Variants in RFTN1 observed in about 807,000 individuals in gnomAD.
RFTN1 encodes raftlin, lipid raft linker 1.
Under a neutral mutation model 46.5 loss-of-function variants are expected in RFTN1, and 26 were observed. The observed-to-expected ratio is 0.56, with a 90% confidence interval of 0.41 to 0.78. The LOEUF is 0.78. RFTN1 is among the 30% of genes least tolerant of loss of function. The pLI is 0.00. For missense variants in RFTN1, 693 were observed against 718.7 expected, an observed-to-expected ratio of 0.96 and a Z score of 0.41; for synonymous variants, 261 against 284.2, an observed-to-expected ratio of 0.92 and a Z score of 0.82.
chr3:16,339,608 A>G (rs927084933), intron 7 of RFTN1: 2 of 152,176 alleles, frequency 1.3e-5, no homozygotes, highest in African/African-American at 4.8e-5. Context: ...GAAAAACCCA[A>G]AGTCCAGAAA....
At chr3:16,394,247 C>A (rs2074418140) in intron 4 of RFTN1, among the ~76,000 whole-genome samples, 1 of 152,018 alleles carries the variant, frequency 6.6e-6, no homozygotes, top group African/African-American at 2.4e-5. Flanking sequence ...TGTGGTGGTG[C>A]ACACCCGTAA....
In RFTN1 at chr3:16,500,427, G is replaced by A. The variant is rs2076692423; in HGVS notation, c.-8-6550C>T. Among the ~76,000 whole-genome samples, 1 of 152,164 alleles carries A rather than the reference G, an allele frequency of 6.6e-6. No homozygotes were observed. The highest frequency in any genetic ancestry group is 1.5e-5 in the Non-Finnish European group (1 of 68,044). ...AAAAACTTTCCAAGAAGTCTTCAAA[G>A]GTAGAGGAAATGGAAGAGGTCTTTC... On this transcript the variant is annotated intron_variant, in intron 1 of 9. Transcript: ENST00000334133. This position sits in a 1 kb window ranked among gnomAD's most constrained non-coding sequence, Gnocchi z 5.9.
Position 16,465,220 on chromosome 3 carries a change from TAA to T in RFTN1, c.145+28503_145+28504del, listed in dbSNP as rs371626480. On this transcript the variant is annotated intron_variant, in intron 2 of 9. Transcript: ENST00000334133. This position sits in a 1 kb window ranked among gnomAD's most constrained non-coding sequence, Gnocchi z 5.1. ...ACTATTCAAGGATGCCACTTCAAGGTAAAAAAAAAAAAAGCCTTAGTATTTCA... is the reference window on the plus strand; with the variant it reads ...ACTATTCAAGGATGCCACTTCAAGGTAAAAAAAAAAAGCCTTAGTATTTCA... Among the ~76,000 whole-genome samples, 13 of 137,562 alleles carry T rather than the reference TAA, an allele frequency of 9.5e-5. No homozygotes were observed. Among genetic ancestry groups the T allele is most frequent in the Non-Finnish European group, 1.1e-4 (7 of 63,278 alleles). 90.2% of individuals were successfully genotyped at this position (137,562 alleles called of 152,430 possible).
chr3:16,366,486 G>T (rs2073180953), intron 6 of RFTN1, among the ~76,000 whole-genome samples: 1 of 152,066 alleles, frequency 6.6e-6, no homozygotes, highest in Admixed American at 6.5e-5. Context: ...CACCTCCCTA[G>T]AGTGACCTTG....
In RFTN1 at chr3:16,426,444, AT is replaced by A. The variant is rs2075291725; in HGVS notation, c.332+7406del. 6.6e-6 allele frequency among the ~76,000 whole-genome samples: 1 copy of A among 152,092 alleles called. No homozygotes were observed. The highest frequency in any genetic ancestry group is 2.4e-5 in the African/African-American group (1 of 41,404). On this transcript the variant is annotated intron_variant, in intron 3 of 9. Coordinates refer to ENST00000334133, the MANE Select transcript of RFTN1 (RefSeq NM_015150.2). The surrounding 1 kb of genome is among the most constrained non-coding windows in gnomAD (Gnocchi z 5.9). ...TTCAGTATAATTTTGTACTTTCCCAATTTTGCCCTTTTCAAATGCCAAAGAA... is the reference window on the plus strand; with the variant it reads ...TTCAGTATAATTTTGTACTTTCCCAATTTGCCCTTTTCAAATGCCAAAGAA...
chr3:16,466,550 A>G lies in RFTN1; in HGVS notation c.145+27175T>C, dbSNP rs6767890. On this transcript the variant is annotated intron_variant, in intron 2 of 9. Transcript: ENST00000334133. This position sits in a 1 kb window ranked among gnomAD's most constrained non-coding sequence, Gnocchi z 5.6. ...GCCGTTTCAGAGAAGCAGCCATTAC[A>G]CCCCTTTCCTTCTGGGCCTGAACTC... 0.18 allele frequency among the ~76,000 whole-genome samples: 27,054 copies of G among 152,100 alleles called. 2,693 individuals are homozygous for G. The highest frequency in any genetic ancestry group is 0.26 in the East Asian group (1,340 of 5,178).
intron 9 of RFTN1, among the ~76,000 whole-genome samples, chr3:16,318,667 A>G (rs1464954272): frequency 6.6e-6 from 1 of 152,254 alleles, no homozygotes; most frequent in Non-Finnish European, 1.5e-5. Context: ...ATGTTCCATT[A>G]AAGTAGAGAA....
In RFTN1 at chr3:16,374,465, C is replaced by G. The variant is rs56036224; in HGVS notation, c.826+3253G>C. Among the ~76,000 whole-genome samples, 23,310 of 152,166 alleles carry G rather than the reference C, an allele frequency of 0.15. 2,407 individuals carry two copies. The highest frequency in any genetic ancestry group is 0.3 in the African/African-American group (12,268 of 41,458). On this transcript the variant is annotated intron_variant, in intron 5 of 9. Transcript: ENST00000334133. The surrounding 1 kb of genome is among the most constrained non-coding windows in gnomAD (Gnocchi z 5.4). The stretch of plus-strand genomic sequence containing the variant: ...GTTGGGAGGGAAGGAGCCCTCACAT[C>G]AGGAAAGCCCAACCCCCAGGTTTTG...
chr3:16,498,360 C>G lies in RFTN1; in HGVS notation c.-8-4483G>C, dbSNP rs2076656687. ...AGCCAGCTGTCTCTGTACCTCACTTCTCTTTTCTGTACACAAAACACTGCC... is the reference window on the plus strand; with the variant it reads ...AGCCAGCTGTCTCTGTACCTCACTTGTCTTTTCTGTACACAAAACACTGCC... On this transcript the variant is annotated intron_variant, in intron 1 of 9. Transcript: ENST00000334133. This position sits in a 1 kb window ranked among gnomAD's most constrained non-coding sequence, Gnocchi z 5.2. Among the ~76,000 whole-genome samples, 1 of 152,190 alleles carries G rather than the reference C, an allele frequency of 6.6e-6. No homozygotes were observed. Among genetic ancestry groups the G allele is most frequent in the Admixed American group, 6.5e-5 (1 of 15,272 alleles).
At chr3:16,511,864 C>T (rs1454427596) in intron 1 of RFTN1, among the ~76,000 whole-genome samples, 1 of 152,080 alleles carries the variant, frequency 6.6e-6, no homozygotes, top group African/African-American at 2.4e-5. Context: ...AACTGCACAA[C>T]ACTCCACTTC....
rs750452152 is a variant in RFTN1 at position 16,327,209 on chromosome 3, G to A, written c.1147-333C>T. Among the ~76,000 whole-genome samples the A allele has an allele frequency of 4.6e-5, 7 of 152,166 alleles. No homozygotes were observed. Among genetic ancestry groups the A allele is most frequent in the Non-Finnish European group, 8.8e-5 (6 of 68,032 alleles). On this transcript the variant is annotated intron_variant, in intron 7 of 9. Transcript: ENST00000334133. The surrounding 1 kb of genome is among the most constrained non-coding windows in gnomAD (Gnocchi z 4.2). The stretch of plus-strand genomic sequence containing the variant: ...AAGCATAACTGTCTCACCTCTGAGC[G>A]GTATCCAGGGCATATAACTACACGT...
rs2074623762 is a variant in RFTN1, at chr3:16,402,224, G to A, written c.441+7151C>T. Among the ~76,000 whole-genome samples, 1 of 152,148 alleles carries A rather than the reference G, an allele frequency of 6.6e-6. No homozygotes were observed. Among genetic ancestry groups the A allele is most frequent in the African/African-American group, 2.4e-5 (1 of 41,432 alleles). Reference sequence around the variant, plus strand: ...CTCTCTCTCCTTCAATGACACGAAGGTTTAGTGAGTATTCCTCTTTCTCTT... The same window carrying A: ...CTCTCTCTCCTTCAATGACACGAAGATTTAGTGAGTATTCCTCTTTCTCTT... On this transcript the variant is annotated intron_variant, in intron 4 of 9. Transcript: ENST00000334133. The surrounding 1 kb of genome is among the most constrained non-coding windows in gnomAD (Gnocchi z 4.5).
In RFTN1 at chr3:16,316,180, A is replaced by G. The variant is rs1233134377; in HGVS notation, c.*648T>C. ...TTTGGCATTAATACTAACACAGAATACTTCCTTGAACATTCTGCAAAAGTA... is the reference window on the plus strand; with the variant it reads ...TTTGGCATTAATACTAACACAGAATGCTTCCTTGAACATTCTGCAAAAGTA... On this transcript the variant is annotated 3_prime_UTR_variant, in exon 10 of 10. Transcript: ENST00000334133. The surrounding 1 kb of genome is among the most constrained non-coding windows in gnomAD (Gnocchi z 4.5). 2.6e-5 allele frequency: 4 copies of G among 153,692 alleles called. No individual in the cohort carries two copies. The highest frequency in any genetic ancestry group is 1.5e-5 in the Non-Finnish European group (1 of 68,890). The allele number at this position is 153,692 out of a possible 1,614,324, so 9.5% of individuals were successfully genotyped here. A position where few individuals can be genotyped will look rare whatever the true frequency, so the allele number is the denominator to read the frequency against.
chr3:16,461,937 T>C (rs1319056862), intron 2 of RFTN1, among the ~76,000 whole-genome samples: 1 of 152,224 alleles, frequency 6.6e-6, no homozygotes, highest in Non-Finnish European at 1.5e-5. Flanking sequence ...GGTTGAGGTT[T>C]TCTTTTCTGA....
rs2073979836 is a variant in RFTN1, at chr3:16,381,176, T to C, written c.442-3074A>G. On this transcript the variant is annotated intron_variant, in intron 4 of 9. Coordinates refer to ENST00000334133, the MANE Select transcript of RFTN1 (RefSeq NM_015150.2). The surrounding 1 kb of genome is among the most constrained non-coding windows in gnomAD (Gnocchi z 4.2). ...CATACACTTTATTATGACAACTATG[T>C]AATACACATACATAAACTATGCATA... Among the ~76,000 whole-genome samples, 1 of 152,238 alleles carries C rather than the reference T, an allele frequency of 6.6e-6. No individual in the cohort carries two copies. The highest frequency in any genetic ancestry group is 1.5e-5 in the Non-Finnish European group (1 of 68,032).
rs886147269 is a variant in RFTN1 at position 16,351,251 on chromosome 3, C to T, written c.1146+6681G>A. Among the ~76,000 whole-genome samples the T allele has an allele frequency of 6.6e-5, 10 of 152,156 alleles. No homozygotes were observed. The highest frequency in any genetic ancestry group is 2.4e-4 in the African/African-American group (10 of 41,416). On this transcript the variant is annotated intron_variant, in intron 7 of 9. Coordinates refer to ENST00000334133, the MANE Select transcript of RFTN1 (RefSeq NM_015150.2). This position sits in a 1 kb window ranked among gnomAD's most constrained non-coding sequence, Gnocchi z 5.4. ...CACTGGTGGAGAGATTCCTGCAGCG[C>T]GCCAAGGACTGTGTCCTTGATCCAG... is the stretch of plus-strand genomic sequence containing the variant.
chr3:16,328,596 C>T (rs2069970837), intron 7 of RFTN1, among the ~76,000 whole-genome samples: 1 of 152,236 alleles, frequency 6.6e-6, no homozygotes, highest in Non-Finnish European at 1.5e-5. Context: ...GGGTACTGGT[C>T]TATGTCGGTT....
chr3:16,416,247 G>T (rs1218872168), intron 3 of RFTN1: 1 of 455,870 alleles, frequency 2.2e-6, no homozygotes, highest in East Asian at 7.0e-5. Context: ...AAATGAACTC[G>T]AATCCTTAGA....
Position 16,442,655 on chromosome 3 carries a change from A to C in RFTN1, c.146-8618T>G, listed in dbSNP as rs1287721620. 6.6e-6 allele frequency among the ~76,000 whole-genome samples: 1 copy of C among 152,116 alleles called. No homozygotes were observed. Among genetic ancestry groups the C allele is most frequent in the Non-Finnish European group, 1.5e-5 (1 of 68,014 alleles). On this transcript the variant is annotated intron_variant, in intron 2 of 9. Transcript: ENST00000334133. The surrounding 1 kb of genome is among the most constrained non-coding windows in gnomAD (Gnocchi z 4.1). ...CGCGATGTTATTAGCTATAGTCCCC[A>C]TGTTGTACATTAGATCTCTAGATTT...
Sources: allele counts gnomAD v4.1 joint callset (sites outside exome capture counted in the v4.1 genomes callset), GRCh38; gene constraint gnomAD v4.1.1; non-coding constraint Gnocchi (gnomAD v3.1); transcripts MANE v1.5; gene names NCBI Gene and HGNC (gene_info 2026-07-23, HGNC 2026-07-21).